Variants in FBXO40 observed in about 807,000 individuals in gnomAD.
FBXO40 encodes F-box only protein 40.
Under a neutral mutation model 49.9 loss-of-function variants are expected in FBXO40, and 50 were observed. That is an observed-to-expected ratio of 1.00 (90% CI 0.80 to 1.27). The LOEUF (loss-of-function observed/expected upper bound fraction) is 1.27, where lower values mean the gene tolerates loss of function less well. Ranked by LOEUF, FBXO40 falls within the 50% of genes most tolerant of loss-of-function variation. The pLI is 0.00. For missense variants in FBXO40, 895 were observed against 870.1 expected (o/e 1.03, Z -0.36); for synonymous variants, 340 against 320.2 (o/e 1.06, Z -0.66).
In FBXO40 at chr3:121,627,678, T is replaced by C; in HGVS notation, c.*768T>C. ...AAGTCACCAACTTACTTTGTAACAT[T>C]TTAATAATGACTTAAGGGTCAAGAT... On this transcript the variant is annotated 3_prime_UTR_variant, in exon 4 of 4. Coordinates refer to ENST00000338040, the MANE Select transcript of FBXO40 (RefSeq NM_016298.4). The C allele has an allele frequency of 2.5e-6, 1 of 396,518 alleles. No homozygotes were observed. The highest frequency in any genetic ancestry group is 4.4e-6 in the Non-Finnish European group (1 of 225,442). The allele number at this position is 396,518 out of a possible 1,614,324, so 24.6% of individuals were successfully genotyped here.
At position 121,598,996 on chromosome 3, in the gene FBXO40, G is replaced by A. The variant is rs1028737887; in HGVS notation, c.-31+5494G>A. Among the ~76,000 whole-genome samples the A allele has an allele frequency of 3.3e-5, 5 of 152,128 alleles. No homozygotes were observed. In the East Asian group the frequency reaches 7.7e-4, roughly 23 times the overall value. On this transcript the variant is annotated intron_variant, in intron 1 of 3. Coordinates refer to ENST00000338040, the MANE Select transcript of FBXO40 (RefSeq NM_016298.4). ...ATTTAAACTACGTCCAGCACATTCC[G>A]TGTAGATCTTGGGACTATTTAAATC...
At chr3:121,609,603 C>G (rs2048953566) in intron 1 of FBXO40, among the ~76,000 whole-genome samples, 1 of 152,078 alleles carries the variant, frequency 6.6e-6, no homozygotes, top group Non-Finnish European at 1.5e-5. Context: ...AAAATGCATC[C>G]TTATCTTCCT....
intron 3 of FBXO40, among the ~76,000 whole-genome samples, chr3:121,623,570 TTG>T (rs2049045972): frequency 6.6e-6 from 1 of 152,182 alleles, no homozygotes; most frequent in African/African-American, 2.4e-5. Flanking sequence ...TCTTACTGTG[TTG>T]TGCAGGCTGG....
chr3:121,624,484 T>C (rs1395365868), intron 3 of FBXO40, among the ~76,000 whole-genome samples: 2 of 152,168 alleles, frequency 1.3e-5, no homozygotes, highest in Admixed American at 6.6e-5. Context: ...CCATTCTCCA[T>C]CCTTCTCCAC....
intron 1 of FBXO40, among the ~76,000 whole-genome samples, chr3:121,620,224 G>A (rs753446784): frequency 4.6e-5 from 7 of 152,316 alleles, no homozygotes; most frequent in Non-Finnish European, 7.3e-5. Flanking sequence ...AGCAGACAAT[G>A]GAGAAAGTTA....
At chr3:121,599,291 A>G (rs2048888756) in intron 1 of FBXO40, among the ~76,000 whole-genome samples, 1 of 151,984 alleles carries the variant, frequency 6.6e-6, no homozygotes, top group South Asian at 2.1e-4. Flanking sequence ...AACATGGCAA[A>G]ACCCCGTCTC....
chr3:121,624,895 C>T (rs1392469763), intron 3 of FBXO40, among the ~76,000 whole-genome samples: 1 of 152,132 alleles, frequency 6.6e-6, no homozygotes, highest in African/African-American at 2.4e-5. Context: ...AAAATCTCTT[C>T]AAATTACCCG....
At chr3:121,599,429 C>T (rs1279736329) in intron 1 of FBXO40, among the ~76,000 whole-genome samples, 1 of 144,224 alleles carries the variant, frequency 6.9e-6, no homozygotes, top group Admixed American at 7.2e-5. Flanking sequence ...GATCGTGCCA[C>T]TGCACTCCAG....
chr3:121,598,589 A>G (rs2048884931), intron 1 of FBXO40, among the ~76,000 whole-genome samples: 1 of 152,216 alleles, frequency 6.6e-6, no homozygotes, highest in African/African-American at 2.4e-5. Context: ...GAACTGAGAC[A>G]TGGTGCAAAA....
In FBXO40 at chr3:121,626,735, G is replaced by T. The variant is rs149561440; in HGVS notation, c.1955G>T (p.Trp652Leu). The change falls in exon 4 of 4, where the codon TGG becomes TTG. Residue 652 changes from tryptophan to leucine, a missense_variant. Transcript: ENST00000338040. ...FSSLFSKIKSWEFNEVTSMSE... is the reference protein window; with the variant it reads ...FSSLFSKIKSLEFNEVTSMSE... ...AGCCTCTTCTCCAAAATCAAGAGCT[G>T]GGAGTTTAATGAAGTCACCTCCATG... The T allele has an allele frequency of 6.2e-7, 1 of 1,614,012 alleles. No individual in the cohort carries two copies. The highest frequency in any genetic ancestry group is 8.5e-7 in the Non-Finnish European group (1 of 1,180,022).
intron 1 of FBXO40, among the ~76,000 whole-genome samples, chr3:121,612,623 A>G (rs1438562012): frequency 1.3e-5 from 2 of 152,120 alleles, no homozygotes; most frequent in Non-Finnish European, 2.9e-5. Flanking sequence ...CTGACTAACC[A>G]TTAGGAAGGC....
At position 121,622,292 on chromosome 3, in the gene FBXO40, C is replaced by T. The variant is rs151216821; in HGVS notation, c.863C>T (p.Ala288Val). Residue 288 changes from alanine to valine, a missense_variant, in exon 3 of 4, where the codon GCC becomes GTC. By Grantham distance (64) the Ala-to-Val change is moderately conservative. Coordinates refer to ENST00000338040, the MANE Select transcript of FBXO40 (RefSeq NM_016298.4). ...ACAGCCATGGAAACCACAGGGCTTG[C>T]CCCTTGGCAGGATGGTGTTCTGGAA... ...VRTAMETTGL[A>V]PWQDGVLERL... 7.7e-5 allele frequency: 125 copies of T among 1,614,196 alleles called. 1 individual carries two copies. In the African/African-American group the frequency reaches 8.4e-4, roughly 11 times the overall value.
chr3:121,617,766 G>A (rs1212448586), intron 1 of FBXO40, among the ~76,000 whole-genome samples: 8 of 152,150 alleles, frequency 5.3e-5, no homozygotes, highest in African/African-American at 1.7e-4. Context: ...TTTGGAGGCC[G>A]AGGCAGGCGG....
At chr3:121,616,173 C>T (rs184719655) in intron 1 of FBXO40, among the ~76,000 whole-genome samples, 115 of 152,240 alleles carry the variant, frequency 7.6e-4, no homozygotes, top group African/African-American at 2.6e-3. Context: ...GATGCTTCTG[C>T]TTGCGATTTC....
chr3:121,596,185 G>A (rs545985124), intron 1 of FBXO40, among the ~76,000 whole-genome samples: 1 of 152,228 alleles, frequency 6.6e-6, no homozygotes, highest in African/African-American at 2.4e-5. Context: ...CTTCTTCCAC[G>A]CTTTGTCCTA....
rs7375038 is a variant in FBXO40 at position 121,629,080 on chromosome 3, T to A, written c.*2170T>A. On this transcript the variant is annotated 3_prime_UTR_variant, in exon 4 of 4. Coordinates refer to ENST00000338040, the MANE Select transcript of FBXO40 (RefSeq NM_016298.4). The stretch of plus-strand genomic sequence containing the variant: ...ATCTGGGTGCTTTTATTTCCTGGGT[T>A]CTCTCTAAACATGGCTCAGAGCTGG... 46,147 of 151,978 alleles carry A rather than the reference T, an allele frequency of 0.3. 7,770 individuals are homozygous for A. The highest frequency in any genetic ancestry group is 0.45 in the Admixed American group (6,817 of 15,282). The allele number at this position is 151,978 out of a possible 1,614,324, so 9.4% of individuals were successfully genotyped here. A position where few individuals can be genotyped will look rare whatever the true frequency, so the allele number is the denominator to read the frequency against.
chr3:121,611,024 C>T (rs2048961489), intron 1 of FBXO40, among the ~76,000 whole-genome samples: 1 of 152,212 alleles, frequency 6.6e-6, no homozygotes, highest in South Asian at 2.1e-4. Context: ...TTTAACAGCT[C>T]CCATAATATG....
rs1385943124 is a variant in FBXO40 at position 121,622,219 on chromosome 3, C to T, written c.790C>T (p.Pro264Ser). Residue 264 changes from proline to serine, a missense_variant, in exon 3 of 4, where the codon CCC becomes TCC. By Grantham distance (74) the Pro-to-Ser change is moderately conservative. Coordinates refer to ENST00000338040, the MANE Select transcript of FBXO40 (RefSeq NM_016298.4). Reference sequence around the variant, plus strand: ...TAACATGGTAGAAGGAGAGGGCGCTCCCAAAAAGAAAGAACCACAGGAAAA... The same window carrying T: ...TAACATGGTAGAAGGAGAGGGCGCTTCCAAAAAGAAAGAACCACAGGAAAA... ...GHNMVEGEGA[P>S]KKKEPQENQK... 2 of 1,613,834 alleles carry T rather than the reference C, an allele frequency of 1.2e-6. No homozygotes were observed. The highest frequency in any genetic ancestry group is 1.3e-5 in the African/African-American group (1 of 74,888).
chr3:121,601,852 G>T (rs2048902714), intron 1 of FBXO40, among the ~76,000 whole-genome samples: 1 of 152,196 alleles, frequency 6.6e-6, no homozygotes, highest in East Asian at 1.9e-4. Flanking sequence ...CATCATTGGT[G>T]AATTTCTCTT....
Sources: gnomAD v4.1 joint callset for allele counts (sites outside exome capture counted in the v4.1 genomes callset) on GRCh38, gnomAD v4.1.1 for gene constraint, MANE v1.5 for transcripts, NCBI Gene and HGNC (gene_info 2026-07-23, HGNC 2026-07-21) for gene names.